TMCO5A: variants seen among roughly 807,000 people sequenced by gnomAD.
The protein encoded by TMCO5A is transmembrane and coiled-coil domain-containing protein 5A.
Under a neutral mutation model 42.3 loss-of-function variants are expected in TMCO5A, and 34 were observed. The observed-to-expected ratio is 0.80, with a 90% confidence interval of 0.61 to 1.07. TMCO5A has a LOEUF of 1.07. TMCO5A is among the 50% of genes least tolerant of loss of function. The pLI is 0.00. For synonymous variants in TMCO5A, 131 were observed against 115.6 expected (o/e 1.13, Z -0.86); for missense variants, 357 against 327.9 (o/e 1.09, Z -0.69).
downstream of TMCO5A, among the ~76,000 whole-genome samples, chr15:37,969,927 T>C (rs1890643822): frequency 6.6e-6 from 1 of 152,236 alleles, no homozygotes; most frequent in Non-Finnish European, 1.5e-5. Context: ...CTACCATTGA[T>C]GGGCATTTAG....
the TMCO5A span, among the ~76,000 whole-genome samples, chr15:38,007,366 CTT>C: frequency 1.3e-5 from 2 of 152,116 alleles, no homozygotes; most frequent in South Asian, 4.1e-4. Context: ...GCTGTAGGCT[CTT>C]TTATGGGAAG....
chr15:37,942,965 A>G (rs1889801628), intron 9 of TMCO5A: 1 of 164,590 alleles, frequency 6.1e-6, no homozygotes, highest in Admixed American at 5.9e-5. Flanking sequence ...CTCTCTCTAT[A>G]TATATATAGT....
chr15:38,006,472 A>G, the TMCO5A span, among the ~76,000 whole-genome samples: 1 of 152,224 alleles, frequency 6.6e-6, no homozygotes, highest in Non-Finnish European at 1.5e-5. Context: ...GGGGATACGT[A>G]AACAACTTTG....
intron 11 of TMCO5A, among the ~76,000 whole-genome samples, chr15:37,959,657 CAAAG>C (rs998482480): frequency 2.0e-5 from 3 of 151,930 alleles, no homozygotes; most frequent in Admixed American, 6.6e-5. Flanking sequence ...TAAAAGCCCT[CAAAG>C]AACTGGAGAT....
the TMCO5A span, among the ~76,000 whole-genome samples, chr15:37,981,200 C>CAAAAAAAAAAAAAAAAAAAAAAAAAA: frequency 6.1e-5 from 4 of 65,346 alleles, no homozygotes; most frequent in African/African-American, 1.1e-4. Flanking sequence ...AGAAAGCCAG[C>CAAAAAAAAAAAAAAAAAAAAAAAAAA]AAAAAAAAAA....
At chr15:38,013,763 G>C in the TMCO5A span, among the ~76,000 whole-genome samples, 1 of 152,054 alleles carries the variant, frequency 6.6e-6, no homozygotes, top group South Asian at 2.1e-4. Context: ...AGATAATCTG[G>C]ATTCAATTTA....
intron 1 of TMCO5A, 102 bp downstream of exon 1, chr15:37,934,796 A>T (rs1008783574): frequency 3.3e-5 from 5 of 152,156 alleles, no homozygotes; most frequent in Non-Finnish European, 7.4e-5. Context: ...CTTTAATACT[A>T]AAGATCTTAA....
At chr15:37,965,931 T>G (rs988240646) in intron 11 of TMCO5A, among the ~76,000 whole-genome samples, 1 of 152,048 alleles carries the variant, frequency 6.6e-6, no homozygotes. Context: ...AGGAAATCAG[T>G]ACATTGAAGA....
At chr15:37,943,484 T>C (rs1889826774) in intron 10 of TMCO5A, 86 bp downstream of exon 10, 8 of 1,324,888 alleles carry the variant, frequency 6.0e-6, no homozygotes, top group Non-Finnish European at 8.5e-6. Flanking sequence ...ACCAAATATA[T>C]ACCCAATCTT....
chr15:37,969,075 T>C (rs1220240073), downstream of TMCO5A, among the ~76,000 whole-genome samples: 2 of 152,144 alleles, frequency 1.3e-5, no homozygotes, highest in Non-Finnish European at 2.9e-5. Context: ...ATATCACGTG[T>C]ATATATGATA....
At chr15:38,006,838 T>C in the TMCO5A span, among the ~76,000 whole-genome samples, 1 of 151,088 alleles carries the variant, frequency 6.6e-6, no homozygotes, top group Non-Finnish European at 1.5e-5. Flanking sequence ...AATGCTAATA[T>C]TTATATTATT....
the TMCO5A span, among the ~76,000 whole-genome samples, chr15:38,038,713 AT>A: frequency 2.0e-5 from 3 of 152,190 alleles, no homozygotes; most frequent in African/African-American, 7.2e-5. Context: ...GCCTCGGAAG[AT>A]GAAAATTTCA....
the TMCO5A span, chr15:37,994,586 A>T: frequency 6.6e-6 from 1 of 152,176 alleles, no homozygotes; most frequent in Non-Finnish European, 1.5e-5. Context: ...AATCTCTGGG[A>T]TCCTGCATCT....
At chr15:37,964,259 T>A (rs1284395111) in intron 11 of TMCO5A, among the ~76,000 whole-genome samples, 2 of 152,152 alleles carry the variant, frequency 1.3e-5, no homozygotes, top group African/African-American at 4.8e-5. Flanking sequence ...CTGCAGTGAT[T>A]GTTGCCTCTC....
At chr15:38,000,747 G>A in the TMCO5A span, among the ~76,000 whole-genome samples, 8 of 151,612 alleles carry the variant, frequency 5.3e-5, no homozygotes, top group African/African-American at 4.8e-5. Flanking sequence ...AATTTCCTTC[G>A]TAATTTCTTC....
the TMCO5A span, among the ~76,000 whole-genome samples, chr15:38,004,438 C>T: frequency 1.0e-3 from 154 of 152,216 alleles, no homozygotes; most frequent in East Asian, 0.028. Flanking sequence ...AGCCAAGCAC[C>T]GCACTGAGAT....
At chr15:38,032,721 C>T in the TMCO5A span, among the ~76,000 whole-genome samples, 1 of 152,146 alleles carries the variant, frequency 6.6e-6, no homozygotes, top group Non-Finnish European at 1.5e-5. Flanking sequence ...GACTGCTCAG[C>T]AAACCAAGGG....
intron 11 of TMCO5A, among the ~76,000 whole-genome samples, chr15:37,960,234 C>A (rs1022578449): frequency 6.6e-6 from 1 of 151,910 alleles, no homozygotes; most frequent in African/African-American, 2.4e-5. Context: ...ATTCTTATGC[C>A]TTTGCGTCCT....
the TMCO5A span, among the ~76,000 whole-genome samples, chr15:38,022,089 C>T: frequency 6.6e-6 from 1 of 152,118 alleles, no homozygotes; most frequent in African/African-American, 2.4e-5. Context: ...GGATTACAGG[C>T]GTGAGCCATC....
Sources: allele counts gnomAD v4.1 joint callset (sites outside exome capture counted in the v4.1 genomes callset), GRCh38; gene constraint gnomAD v4.1.1; transcripts MANE v1.5; gene names NCBI Gene and HGNC (gene_info 2026-07-23, HGNC 2026-07-21).